Variants in CCBE1 observed in about 807,000 individuals in gnomAD.
CCBE1 encodes collagen and calcium binding EGF domains 1.
CCBE1 carries 37 observed loss-of-function variants against 50.0 expected under a neutral mutation model. The observed-to-expected ratio is 0.74, with a 90% CI of 0.57 to 0.97. CCBE1 has a LOEUF of 0.97. CCBE1 is among the 50% of genes least tolerant of loss of function. CCBE1 has a pLI of 0.00. For missense variants in CCBE1, 538 were observed against 523.8 expected (o/e 1.03, Z -0.26); for synonymous variants, 234 against 203.7 (o/e 1.15, Z -1.27).
intron 2 of CCBE1, among the ~76,000 whole-genome samples, chr18:59,660,597 A>T (rs1475636228): frequency 2.0e-5 from 3 of 152,164 alleles, no homozygotes. Flanking sequence ...ATACTGCCCA[A>T]GTTCTCAGCT....
At chr18:59,458,344 T>G (rs1013850660) in intron 5 of CCBE1, among the ~76,000 whole-genome samples, 1 of 152,224 alleles carries the variant, frequency 6.6e-6, no homozygotes, top group Non-Finnish European at 1.5e-5. Flanking sequence ...TGTTTAACAA[T>G]TTTCAATTCA....
In CCBE1 at chr18:59,515,883, AGAG is replaced by A. The variant is rs527843920; in HGVS notation, c.213-35648_213-35646del. On this transcript the variant is annotated intron_variant, in intron 2 of 10. Transcript: ENST00000439986. The stretch of plus-strand genomic sequence containing the variant: ...GAGGATCTACTTTACAGGTTTGAGG[AGAG>A]GACAAAAGGGGTAATCCAAGTAAAG... 2.6e-5 allele frequency among the ~76,000 whole-genome samples: 4 copies of A among 152,326 alleles called. No individual in the cohort carries two copies. In the East Asian group the frequency reaches 7.7e-4, roughly 29 times the overall value.
chr18:59,451,273 C>T (rs1363772241), intron 6 of CCBE1, among the ~76,000 whole-genome samples: 1 of 151,882 alleles, frequency 6.6e-6, no homozygotes, highest in Non-Finnish European at 1.5e-5. Context: ...ACTCCCCAGG[C>T]AGCCACCGAG....
At chr18:59,540,150 C>G (rs892151311) in intron 2 of CCBE1, among the ~76,000 whole-genome samples, 2 of 152,142 alleles carry the variant, frequency 1.3e-5, no homozygotes, top group Non-Finnish European at 2.9e-5. Flanking sequence ...CTAATACTAT[C>G]TCTGAAAAAT....
At chr18:59,455,353 C>G (rs929855473) in intron 5 of CCBE1, 2 of 345,180 alleles carry the variant, frequency 5.8e-6, no homozygotes, top group African/African-American at 4.3e-5. Flanking sequence ...AGTGCAGGCA[C>G]TGGGCCTCAA....
At position 59,466,666 on chromosome 18, in the gene CCBE1, A is replaced by C. The variant is rs962254620; in HGVS notation, c.553+73T>G. On this transcript the variant is annotated intron_variant, in intron 5 of 10. Transcript: ENST00000439986. Reference sequence around the variant, plus strand: ...ATAATCATATCTATATAATATATAAACCCCCAAACTGGTTATATATATAAT... The same window carrying C: ...ATAATCATATCTATATAATATATAACCCCCCAAACTGGTTATATATATAAT... 3.2e-6 allele frequency: 3 copies of C among 938,544 alleles called. No individual in the cohort carries two copies. The Admixed American group carries it at 7.2e-5, about 23-fold the overall frequency. 58.1% of individuals were successfully genotyped at this position (938,544 alleles called of 1,614,324 possible).
chr18:59,697,163 G>A lies in CCBE1; in HGVS notation c.131+49C>T, dbSNP rs780176201. The A allele has an allele frequency of 2.0e-4, 305 of 1,546,294 alleles. 2 individuals are homozygous for A. Among genetic ancestry groups the A allele is most frequent in the Admixed American group, 2.9e-4 (15 of 50,900 alleles). On this transcript the variant is annotated intron_variant, in intron 1 of 10. Transcript: ENST00000439986. ...GGACCGCCCGCACCCCGCGAGCCGG[G>A]CGCGCATCAAGCAGGAGCTCGCCCT...
rs1200500420 is a variant in CCBE1, at chr18:59,524,188, T to C, written c.213-43950A>G. ...ATATAAAAATTGCCAGACATGGTGG[T>C]ACATGCCCGTAATCCCAGTTACTAG... On this transcript the variant is annotated intron_variant, in intron 2 of 10. Coordinates refer to ENST00000439986, the MANE Select transcript of CCBE1 (RefSeq NM_133459.4). 2.6e-5 allele frequency among the ~76,000 whole-genome samples: 4 copies of C among 152,202 alleles called. No homozygotes were observed. In the East Asian group the frequency reaches 7.7e-4, roughly 29 times the overall value.
rs188958169 is a variant in CCBE1 at position 59,513,103 on chromosome 18, C to T, written c.213-32865G>A. On this transcript the variant is annotated intron_variant, in intron 2 of 10. Coordinates refer to ENST00000439986, the MANE Select transcript of CCBE1 (RefSeq NM_133459.4). ...CGGGTGGATCACTTGAGGTCAGGAGCTCGAGACCAGCCCAGCCAACATGGC... is the reference window on the plus strand; with the variant it reads ...CGGGTGGATCACTTGAGGTCAGGAGTTCGAGACCAGCCCAGCCAACATGGC... Among the ~76,000 whole-genome samples, 575 of 152,218 alleles carry T rather than the reference C, an allele frequency of 3.8e-3. 3 individuals are homozygous for T. The highest frequency in any genetic ancestry group is 0.013 in the African/African-American group (520 of 41,530).
At chr18:59,497,682 A>T (rs1913419057) in intron 2 of CCBE1, among the ~76,000 whole-genome samples, 1 of 152,044 alleles carries the variant, frequency 6.6e-6, no homozygotes, top group Non-Finnish European at 1.5e-5. Flanking sequence ...ACCTCCAACC[A>T]CCCAGGTACC....
At chr18:59,633,217 C>A (rs1220592146) in intron 2 of CCBE1, among the ~76,000 whole-genome samples, 1 of 152,132 alleles carries the variant, frequency 6.6e-6, no homozygotes, top group Non-Finnish European at 1.5e-5. Flanking sequence ...TGCAATTACA[C>A]AAGGATGATA....
At chr18:59,519,473 C>T (rs748485204) in intron 2 of CCBE1, among the ~76,000 whole-genome samples, 1 of 151,968 alleles carries the variant, frequency 6.6e-6, no homozygotes, top group Admixed American at 6.6e-5. Context: ...TTGTATCCTG[C>T]CACAAACATA....
At chr18:59,550,767 G>A (rs1055881017) in intron 2 of CCBE1, among the ~76,000 whole-genome samples, 5 of 151,952 alleles carry the variant, frequency 3.3e-5, no homozygotes, top group East Asian at 1.9e-4. Context: ...GGTGGCTCAC[G>A]CCTGTAATCC....
rs4940874 is a variant in CCBE1 at position 59,438,406 on chromosome 18, A to G, written c.952-260T>C. On this transcript the variant is annotated intron_variant, in intron 9 of 10. Coordinates refer to ENST00000439986, the MANE Select transcript of CCBE1 (RefSeq NM_133459.4). ...GCAAGAGGAATGTTCATATTTCCCA[A>G]CAGCATGTGGAGTAACAAACTTTCT... is the stretch of plus-strand genomic sequence containing the variant. 0.83 allele frequency among the ~76,000 whole-genome samples: 125,928 copies of G among 152,186 alleles called. 52,174 individuals are homozygous for G. The highest frequency in any genetic ancestry group is 0.91 in the South Asian group (4,378 of 4,822).
chr18:59,657,050 C>CACA (rs1352091961), intron 2 of CCBE1, among the ~76,000 whole-genome samples: 1 of 152,228 alleles, frequency 6.6e-6, no homozygotes, highest in East Asian at 1.9e-4. Flanking sequence ...CTTTGTCTTT[C>CACA]ACAGCCTAAG....
chr18:59,510,328 C>T (rs898847915), intron 2 of CCBE1, among the ~76,000 whole-genome samples: 1 of 152,106 alleles, frequency 6.6e-6, no homozygotes, highest in African/African-American at 2.4e-5. Flanking sequence ...TCTGCCACCT[C>T]TACTGTTGTT....
intron 5 of CCBE1, 46 bp downstream of exon 5, chr18:59,466,693 T>C (rs745614923): frequency 2.8e-6 from 4 of 1,434,064 alleles, no homozygotes; most frequent in Middle Eastern, 2.5e-4. Context: ...ATATATAATA[T>C]ATAAAAATAT....
intron 2 of CCBE1, among the ~76,000 whole-genome samples, chr18:59,556,752 C>T (rs552231826): frequency 2.0e-5 from 3 of 152,266 alleles, no homozygotes; most frequent in South Asian, 2.1e-4. Flanking sequence ...GTTTTTTGTT[C>T]CCACTGAAGT....
chr18:59,445,851 T>C (rs1598906460), intron 7 of CCBE1, among the ~76,000 whole-genome samples: 1 of 152,328 alleles, frequency 6.6e-6, no homozygotes, highest in East Asian at 1.9e-4. Context: ...GGGACTTTAA[T>C]GTACAAACGG....
Sources: allele counts gnomAD v4.1 joint callset (sites outside exome capture counted in the v4.1 genomes callset), GRCh38; gene constraint gnomAD v4.1.1; transcripts MANE v1.5; gene names NCBI Gene and HGNC (gene_info 2026-07-23, HGNC 2026-07-21).